Variants in ATP6V0A2 observed in about 807,000 individuals in gnomAD.
ATP6V0A2 encodes V-type proton ATPase 116 kDa subunit a 2.
In ATP6V0A2, 58 loss-of-function variants were observed where a neutral mutation model predicts 104.4. That is an observed-to-expected ratio of 0.56 (90% CI 0.45 to 0.69). ATP6V0A2 has a LOEUF of 0.69. Among genes scored for constraint, ATP6V0A2 ranks in the 30% least tolerant of loss-of-function variants. The pLI is 0.00. For missense variants in ATP6V0A2, 938 were observed against 1,062.9 expected (o/e 0.88, Z 1.63); for synonymous variants, 376 against 397.9 (o/e 0.95, Z 0.65).
intron 1 of ATP6V0A2, 132 bp from the exon 2 acceptor site, chr12:123,718,491 G>A: frequency 1.5e-6 from 1 of 645,968 alleles, no homozygotes; most frequent in Non-Finnish European, 2.6e-6. Context: ...AAGAAAAGTT[G>A]TGTCAGTTTA....
intron 1 of ATP6V0A2, among the ~76,000 whole-genome samples, chr12:123,715,184 T>C (rs1956328420): frequency 6.6e-6 from 1 of 152,230 alleles, no homozygotes; most frequent in Admixed American, 6.5e-5. Flanking sequence ...ATAAAGATTC[T>C]ACTATTTGTA....
Position 123,726,284 on chromosome 12 carries a change from G to A in ATP6V0A2, c.520G>A (p.Gly174Arg), listed in dbSNP as rs1217740871. 6.2e-7 allele frequency: 1 copy of A among 1,612,868 alleles called. No individual in the cohort carries two copies. The highest frequency in any genetic ancestry group is 1.3e-5 in the African/African-American group (1 of 75,004). The change falls in exon 5 of 20, where the codon GGA becomes AGA. Residue 174 changes from glycine (G) to arginine (R), a missense_variant and splice_region_variant. Gly to Arg is a moderately radical substitution (Grantham distance 125, BLOSUM62 -2). Coordinates refer to ENST00000330342, the MANE Select transcript of ATP6V0A2 (RefSeq NM_012463.4). ...SCMQRLGAKL[G>R]FVSGLINQGK... ...TATGCAGAGGCTGGGAGCAAAACTG[G>A]GGTAGGTGACAAGGCCTGGGGTGTC...
chr12:123,743,715 A>T, intron 9 of ATP6V0A2, 70 bp from the exon 10 acceptor site: 7 of 1,579,320 alleles, frequency 4.4e-6, no homozygotes, highest in Non-Finnish European at 5.2e-6. Context: ...AGTAACCCAG[A>T]TTCGTTGAAT....
At position 123,748,670 on chromosome 12, in the gene ATP6V0A2, A is replaced by C; in HGVS notation, c.1820A>C (p.Tyr607Ser). ...IFGYLIFMIF[Y>S]KWLVFSAETS... ...GGATACCTTATATTTATGATTTTCTACAAGTGGCTGGTTTTTTCAGCAGAA... is the reference window on the plus strand; with the variant it reads ...GGATACCTTATATTTATGATTTTCTCCAAGTGGCTGGTTTTTTCAGCAGAA... Residue 607 changes from tyrosine (Y) to serine (S), a missense_variant, in exon 15 of 20, where the codon TAC (tyrosine) becomes TCC (serine). Coordinates refer to ENST00000330342, the MANE Select transcript of ATP6V0A2 (RefSeq NM_012463.4). 6.2e-7 allele frequency: 1 copy of C among 1,614,012 alleles called. No homozygotes were observed. Among genetic ancestry groups the C allele is most frequent in the Non-Finnish European group, 8.5e-7 (1 of 1,179,924 alleles).
chr12:123,719,820 G>C (rs1003923580), intron 2 of ATP6V0A2, among the ~76,000 whole-genome samples: 2 of 152,112 alleles, frequency 1.3e-5, no homozygotes, highest in South Asian at 4.1e-4. Flanking sequence ...CCACACAGGG[G>C]GAGGTTGTGG....
chr12:123,724,319 T>A, intron 3 of ATP6V0A2: 1 of 251,394 alleles, frequency 4.0e-6, no homozygotes, highest in Non-Finnish European at 7.8e-6. Context: ...AGGTCAAGAG[T>A]TCAAGACCAG....
At chr12:123,737,367 A>G (rs765778376) in intron 9 of ATP6V0A2, 96 bp downstream of exon 9, 9 of 1,163,804 alleles carry the variant, frequency 7.7e-6, no homozygotes, top group Non-Finnish European at 1.1e-5. Context: ...TTCATAGAGT[A>G]ATGAGAATGC....
chr12:123,729,246 G>T (rs1421683371), intron 6 of ATP6V0A2, among the ~76,000 whole-genome samples: 2 of 149,470 alleles, frequency 1.3e-5, no homozygotes, highest in South Asian at 4.2e-4. Flanking sequence ...GCACTTGTTT[G>T]TACAACAGGA....
chr12:123,735,405 C>T (rs1566281881), intron 7 of ATP6V0A2, 126 bp from the exon 8 acceptor site: 1 of 809,038 alleles, frequency 1.2e-6, no homozygotes, highest in South Asian at 1.4e-5. Context: ...CAGATGACTG[C>T]ATCTGCACCC....
rs1566292114 is a variant in ATP6V0A2 at position 123,752,304 on chromosome 12, A to G, written c.2077A>G (p.Lys693Glu). 1 of 1,614,174 alleles carries G rather than the reference A, an allele frequency of 6.2e-7. No individual in the cohort carries two copies. The highest frequency in any genetic ancestry group is 8.5e-7 in the Non-Finnish European group (1 of 1,180,024). ...VNRSGYTLIR[K>E]DSEEEVSLLG... ...TTAGAGTGGCTACACACTTATAAGG[A>G]AAGATAGTGAGGAAGAAGTTTCATT... The change falls in exon 17 of 20, where the codon AAA becomes GAA. Residue 693 changes from lysine (K) to glutamate (E), a missense_variant. Coordinates refer to ENST00000330342, the MANE Select transcript of ATP6V0A2 (RefSeq NM_012463.4).
At chr12:123,720,261 C>T (rs1177887206) in intron 2 of ATP6V0A2, among the ~76,000 whole-genome samples, 2 of 152,138 alleles carry the variant, frequency 1.3e-5, no homozygotes, top group Admixed American at 6.6e-5. Context: ...GGTTCATGTA[C>T]GTTAGTGGCA....
chr12:123,743,049 G>C (rs529928137), intron 9 of ATP6V0A2, among the ~76,000 whole-genome samples: 2 of 151,978 alleles, frequency 1.3e-5, no homozygotes, highest in African/African-American at 2.4e-5. Context: ...TTTTTATTAA[G>C]TATATTGCAG....
intron 6 of ATP6V0A2, chr12:123,733,528 C>T (rs1956523740): frequency 4.0e-6 from 1 of 251,600 alleles, no homozygotes; most frequent in Non-Finnish European, 7.8e-6. Context: ...GACTGCACCT[C>T]AGCCCTACAC....
At chr12:123,750,995 T>C in intron 15 of ATP6V0A2, 115 bp from the exon 16 acceptor site, 2 of 1,430,288 alleles carry the variant, frequency 1.4e-6, no homozygotes, top group Non-Finnish European at 2.0e-6. Flanking sequence ...TGGCATTTAT[T>C]GAATGTTCCT....
chr12:123,752,340 C>A lies in ATP6V0A2; in HGVS notation c.2113C>A (p.Gln705Lys). The A allele has an allele frequency of 6.2e-7, 1 of 1,613,956 alleles. No homozygotes were observed. The highest frequency in any genetic ancestry group is 1.1e-5 in the South Asian group (1 of 91,070). Residue 705 changes from glutamine to lysine, a missense_variant, in exon 17 of 20, where the codon CAA (glutamine) becomes AAA (lysine). Transcript: ENST00000330342. Reference protein sequence around the residue: ...SEEEVSLLGSQDIEEGNHQVE... With the variant: ...SEEEVSLLGSKDIEEGNHQVE... ...GGAAGAAGTTTCATTGCTGGGAAGCCAAGATATAGAAGAGGGAAATCACCA... is the reference window on the plus strand; with the variant it reads ...GGAAGAAGTTTCATTGCTGGGAAGCAAAGATATAGAAGAGGGAAATCACCA...
In ATP6V0A2 at chr12:123,712,562, C is replaced by A. The variant is rs772582945; in HGVS notation, c.-4C>A. ...GAGCCCCTCCGGGCGCGGGTCGGCC[C>A]GCCATGGGGTCCCTGTTCCGGAGCG... On this transcript the variant is annotated 5_prime_UTR_variant, in exon 1 of 20. Coordinates refer to ENST00000330342, the MANE Select transcript of ATP6V0A2 (RefSeq NM_012463.4). The A allele has an allele frequency of 4.4e-6, 7 of 1,580,232 alleles. No individual in the cohort carries two copies. Among genetic ancestry groups the A allele is most frequent in the East Asian group, 2.3e-5 (1 of 42,818 alleles).
chr12:123,724,737 A>T lies in ATP6V0A2; in HGVS notation c.378A>T (p.Ile126=). Residue 126 remains isoleucine, a synonymous_variant, in exon 4 of 20, where the codon ATA becomes ATT. Transcript: ENST00000330342. ...TGAGGAAAAACTTGCTGGAACTGAT[A>T]GAGTACACTCACATGCTGAGAGTGA... is the stretch of plus-strand genomic sequence containing the variant. The part of the protein sequence containing the change: ...EKLRKNLLEL[I]EYTHMLRVTK... 1 of 1,613,824 alleles carries T rather than the reference A, an allele frequency of 6.2e-7. No individual in the cohort carries two copies. The highest frequency in any genetic ancestry group is 8.5e-7 in the Non-Finnish European group (1 of 1,179,826).
In ATP6V0A2 at chr12:123,714,743, G is replaced by GA. The variant is rs767565415; in HGVS notation, c.117+2069dup. Among the ~76,000 whole-genome samples the GA allele has an allele frequency of 2.3e-4, 35 of 150,506 alleles. 1 individual carries two copies. Among genetic ancestry groups the GA allele is most frequent in the Non-Finnish European group, 2.2e-4 (15 of 67,542 alleles). ...TGAATTAGGGTGCTGCCCTAAAAGG[G>GA]AAAAAAAACCCAAAATTTATAAAAG... is the stretch of plus-strand genomic sequence containing the variant. On this transcript the variant is annotated intron_variant, in intron 1 of 19. Coordinates refer to ENST00000330342, the MANE Select transcript of ATP6V0A2 (RefSeq NM_012463.4).
chr12:123,744,865 TCTG>T lies in ATP6V0A2; in HGVS notation c.1515-14_1515-12del, dbSNP rs779853276. The T allele has an allele frequency of 3.1e-6, 5 of 1,614,070 alleles. No homozygotes were observed. The South Asian group carries it at 5.5e-5, about 18-fold the overall frequency. On this transcript the variant is annotated splice_polypyrimidine_tract_variant and intron_variant, in intron 12 of 19. Transcript: ENST00000330342. This position sits in a 1 kb window ranked among gnomAD's most constrained non-coding sequence, Gnocchi z 5.4. The stretch of plus-strand genomic sequence containing the variant: ...CCTCCTCCCAGGTCAGCCTCCTCAC[TCTG>T]CTTTTTGTTACAGTGACAGCGTCGT...
Sources: allele counts gnomAD v4.1 joint callset (sites outside exome capture counted in the v4.1 genomes callset), GRCh38; gene constraint gnomAD v4.1.1; non-coding constraint Gnocchi (gnomAD v3.1); transcripts MANE v1.5; gene names NCBI Gene and HGNC (gene_info 2026-07-23, HGNC 2026-07-21).